COL6A5: variants seen among roughly 807,000 people sequenced by gnomAD.
The protein encoded by COL6A5 is collagen type VI alpha 5 chain.
A neutral mutation model predicts 65.6 loss-of-function variants in COL6A5; 48 were observed. The observed-to-expected ratio is 0.73, with a 90% CI of 0.58 to 0.93. The LOEUF (loss-of-function observed/expected upper bound fraction) is 0.93, where lower values mean the gene tolerates loss of function less well. COL6A5 is among the 40% of genes least tolerant of loss of function. The probability of loss-of-function intolerance (pLI) is 0.00; values close to 1 mark genes in which losing one functional copy is unlikely to be tolerated. For synonymous variants in COL6A5, 291 were observed against 322.8 expected (o/e 0.90, Z 1.05); for missense variants, 914 against 928.3 (o/e 0.98, Z 0.20).
At chr3:130,413,863 AAG>A (rs1467186221) in intron 21 of COL6A5, among the ~76,000 whole-genome samples, 2 of 151,814 alleles carry the variant, frequency 1.3e-5, no homozygotes, top group Non-Finnish European at 2.9e-5. Context: ...AATCAACTTC[AAG>A]AGAGAGAAAT....
At chr3:130,405,091 C>T (rs1936941846) in intron 13 of COL6A5, among the ~76,000 whole-genome samples, 1 of 152,210 alleles carries the variant, frequency 6.6e-6, no homozygotes, top group Non-Finnish European at 1.5e-5. Flanking sequence ...GGGTCTTTAA[C>T]CTGGTGATTC....
intron 5 of COL6A5, among the ~76,000 whole-genome samples, chr3:130,459,635 A>G (rs1484025253): frequency 2.0e-5 from 3 of 152,098 alleles, no homozygotes; most frequent in South Asian, 2.1e-4. Flanking sequence ...CATGCCCCCA[A>G]GTTTATGGAA....
intron 3 of COL6A5, among the ~76,000 whole-genome samples, chr3:130,378,200 G>A (rs186217020): frequency 3.3e-5 from 5 of 152,092 alleles, no homozygotes; most frequent in Admixed American, 3.3e-4. Context: ...TCAATACTCA[G>A]TAGTTTCTCA....
intron 7 of COL6A5, among the ~76,000 whole-genome samples, chr3:130,473,774 A>C (rs1710018845): frequency 6.6e-6 from 1 of 152,060 alleles, no homozygotes; most frequent in Non-Finnish European, 1.5e-5. Context: ...TAAGCAGCTG[A>C]CCAATCGTTA....
At chr3:130,389,458 T>C (rs1936317640) in intron 6 of COL6A5, among the ~76,000 whole-genome samples, 1 of 152,066 alleles carries the variant, frequency 6.6e-6, no homozygotes, top group Admixed American at 6.6e-5. Flanking sequence ...CAAATGATTT[T>C]CTAGAATTGT....
chr3:130,357,356 C>G lies in COL6A5; in HGVS notation c.-29+11375C>G, dbSNP rs543206301. ...TGAAAGCTGACACTTTTGGCCTTGT[C>G]GGTATATGGGTAATTCCTTTCAAAA... On this transcript the variant is annotated intron_variant and NMD_transcript_variant, in intron 1 of 41. Transcript: ENST00000312481. Among the ~76,000 whole-genome samples the G allele has an allele frequency of 1.1e-4, 16 of 152,262 alleles. No individual in the cohort carries two copies. In the South Asian group the frequency reaches 3.3e-3, roughly 32 times the overall value.
chr3:130,469,728 G>A (rs1013926507), intron 6 of COL6A5, among the ~76,000 whole-genome samples: 2 of 152,028 alleles, frequency 1.3e-5, no homozygotes, highest in Non-Finnish European at 2.9e-5. Context: ...GCCCTAACCC[G>A]TGAGTGTTTA....
At chr3:130,405,063 C>T (rs566026294) in intron 13 of COL6A5, among the ~76,000 whole-genome samples, 17 of 152,326 alleles carry the variant, frequency 1.1e-4, no homozygotes, top group African/African-American at 2.4e-4. Flanking sequence ...CACCCCTGCA[C>T]GGATAGTCTG....
chr3:130,469,666 G>A (rs1169639718), intron 6 of COL6A5, among the ~76,000 whole-genome samples, 185 bp downstream of exon 38: 2 of 152,058 alleles, frequency 1.3e-5, no homozygotes, highest in Non-Finnish European at 2.9e-5. Flanking sequence ...TTGCTGCTGT[G>A]CTGCCAAAGT....
At chr3:130,422,838 T>C in intron 28 of COL6A5, 56 bp downstream of exon 28, 2 of 1,128,002 alleles carry the variant, frequency 1.8e-6, no homozygotes. Flanking sequence ...ACTTTGGCTT[T>C]TATGTTATAA....
At chr3:130,458,559 G>A (rs896945650) in intron 5 of COL6A5, among the ~76,000 whole-genome samples, 25 of 152,128 alleles carry the variant, frequency 1.6e-4, no homozygotes, top group African/African-American at 5.8e-4. Context: ...TCTGATGTAG[G>A]CAGAAGTTTA....
chr3:130,470,899 T>G, exon 7 of COL6A5: 1 of 1,612,528 alleles, frequency 6.2e-7, no homozygotes, highest in Non-Finnish European at 8.5e-7. Context: ...CCACCGAAGA[T>G]ATGAAAGCCA....
In COL6A5 at chr3:130,357,838, TATATA is replaced by T. The variant is rs552423074; in HGVS notation, c.-29+11858_-29+11862del. 9.9e-4 allele frequency among the ~76,000 whole-genome samples: 150 copies of T among 152,232 alleles called. 2 individuals are homozygous for T. Among genetic ancestry groups the T allele is most frequent in the African/African-American group, 3.5e-3 (144 of 41,542 alleles). On this transcript the variant is annotated intron_variant and NMD_transcript_variant, in intron 1 of 41. Transcript: ENST00000312481. The stretch of plus-strand genomic sequence containing the variant: ...AGAAATATTTTAACATAATTAGAAA[TATATA>T]TTATAAACCAACTGCCATCATAACA...
At chr3:130,450,647 C>T (rs780700403) in intron 4 of COL6A5, among the ~76,000 whole-genome samples, 6 of 152,088 alleles carry the variant, frequency 3.9e-5, no homozygotes, top group Non-Finnish European at 5.9e-5. Context: ...AGCTAACATA[C>T]GAAGGAGAAT....
intron 3 of COL6A5, among the ~76,000 whole-genome samples, chr3:130,377,775 A>G (rs1301064930): frequency 6.6e-6 from 1 of 152,172 alleles, no homozygotes; most frequent in Non-Finnish European, 1.5e-5. Context: ...ATCATATAAT[A>G]TGAATGAGGT....
At chr3:130,440,002 C>T (rs753458245) in intron 2 of COL6A5, among the ~76,000 whole-genome samples, 164 bp from the exon 35 acceptor site, 12 of 152,036 alleles carry the variant, frequency 7.9e-5, no homozygotes, top group East Asian at 3.8e-4. Flanking sequence ...GGAGAAGTAC[C>T]GGGACATTGA....
exon 4 of COL6A5, chr3:130,380,018 CT>C: frequency 6.5e-7 from 1 of 1,547,116 alleles, no homozygotes; most frequent in Non-Finnish European, 8.7e-7. Flanking sequence ...CAAATTTCTA[CT>C]TATGCTGAAC....
At chr3:130,484,301 A>G (rs1710322159) in exon 8 of COL6A5, 1 of 515,542 alleles carries the variant, frequency 1.9e-6, no homozygotes. Flanking sequence ...AACTGGGGAA[A>G]CCGACCTATA....
At chr3:130,366,617 T>C (rs1409302502) in intron 1 of COL6A5, among the ~76,000 whole-genome samples, 1 of 152,244 alleles carries the variant, frequency 6.6e-6, no homozygotes, top group Non-Finnish European at 1.5e-5. Flanking sequence ...ATCAAAGTTG[T>C]AGAAGACTTT....
Sources: gnomAD v4.1 joint callset for allele counts (sites outside exome capture counted in the v4.1 genomes callset) on GRCh38, gnomAD v4.1.1 for gene constraint, MANE v1.5 for transcripts, NCBI Gene and HGNC (gene_info 2026-07-23, HGNC 2026-07-21) for gene names.